ZNF277: variants seen among roughly 807,000 people sequenced by gnomAD.
The protein encoded by ZNF277 is nuclear receptor-interacting factor 4.
ZNF277 carries 55 observed loss-of-function variants against 60.7 expected under a neutral mutation model. The observed-to-expected ratio is 0.91, with a 90% CI of 0.73 to 1.13. The LOEUF (loss-of-function observed/expected upper bound fraction) is 1.13. Among genes scored for constraint, ZNF277 ranks in the 50% most tolerant of loss-of-function variants. The probability of loss-of-function intolerance (pLI) is 0.00; values close to 1 mark genes in which losing one functional copy is unlikely to be tolerated. For synonymous variants in ZNF277, 178 were observed against 179.3 expected (o/e 0.99, Z 0.06); for missense variants, 510 against 523.0 (o/e 0.98, Z 0.24).
At chr7:112,254,464 C>T (rs1007321336) in intron 1 of ZNF277, among the ~76,000 whole-genome samples, 4 of 152,146 alleles carry the variant, frequency 2.6e-5, no homozygotes, top group African/African-American at 7.2e-5. Context: ...ACATCACATC[C>T]AGTTTGTGTG....
chr7:112,208,565 T>C (rs944836239), intron 1 of ZNF277, among the ~76,000 whole-genome samples: 5 of 150,882 alleles, frequency 3.3e-5, no homozygotes, highest in African/African-American at 1.2e-4. Context: ...AAGAGTTTGG[T>C]ACATATTCTT....
intron 1 of ZNF277, among the ~76,000 whole-genome samples, chr7:112,234,306 G>A (rs1397622311): frequency 6.6e-6 from 1 of 152,082 alleles, no homozygotes; most frequent in East Asian, 1.9e-4. Context: ...TAAACAACAA[G>A]AATTTATTTC....
chr7:112,209,888 A>G (rs577172551), intron 1 of ZNF277, among the ~76,000 whole-genome samples: 138 of 152,292 alleles, frequency 9.1e-4, no homozygotes, highest in African/African-American at 2.9e-3. Flanking sequence ...TGAGCAAACT[A>G]TCGCAAGGAC....
At chr7:112,298,719 C>G (rs1360400661) in intron 4 of ZNF277, among the ~76,000 whole-genome samples, 1 of 152,132 alleles carries the variant, frequency 6.6e-6, no homozygotes, top group Non-Finnish European at 1.5e-5. Flanking sequence ...TAAGCCATGC[C>G]TTGTATTTGG....
At chr7:112,223,132 A>C (rs1047966169) in intron 1 of ZNF277, among the ~76,000 whole-genome samples, 2 of 152,180 alleles carry the variant, frequency 1.3e-5, no homozygotes, top group African/African-American at 4.8e-5. Flanking sequence ...ATGTTTCATT[A>C]GTTCTGTCCC....
At position 112,215,434 on chromosome 7, in the gene ZNF277, C is replaced by T. The variant is rs561547888; in HGVS notation, c.91+8627C>T. 1.1e-4 allele frequency among the ~76,000 whole-genome samples: 16 copies of T among 152,274 alleles called. No homozygotes were observed. The South Asian group carries it at 3.1e-3, about 30-fold the overall frequency. ...GTGGTGTTTGGCAACTGTGAATCAG[C>T]GCCATGCTGGGCTCTATATGGGATA... On this transcript the variant is annotated intron_variant, in intron 1 of 11. Transcript: ENST00000361822.
At chr7:112,217,494 T>C (rs1476581444) in intron 1 of ZNF277, among the ~76,000 whole-genome samples, 2 of 152,252 alleles carry the variant, frequency 1.3e-5, no homozygotes, top group African/African-American at 4.8e-5. Flanking sequence ...GCAAAAATTA[T>C]AGCAGAAAAG....
intron 1 of ZNF277, among the ~76,000 whole-genome samples, chr7:112,215,589 T>C (rs1194854290): frequency 2.6e-5 from 4 of 152,258 alleles, no homozygotes; most frequent in African/African-American, 9.6e-5. Flanking sequence ...ATGAAGTGGA[T>C]ACATTTGATT....
chr7:112,319,814 C>T (rs1792935972), intron 5 of ZNF277, among the ~76,000 whole-genome samples: 2 of 151,734 alleles, frequency 1.3e-5, no homozygotes, highest in Admixed American at 6.6e-5. Flanking sequence ...GCCAAGGCCA[C>T]TGATCGTACT....
intron 4 of ZNF277, among the ~76,000 whole-genome samples, chr7:112,300,296 T>C (rs1388886100): frequency 6.6e-6 from 1 of 152,230 alleles, no homozygotes; most frequent in Non-Finnish European, 1.5e-5. Context: ...CTTCTTTGAA[T>C]ATTTTCATCC....
chr7:112,229,017 A>G (rs889113957), intron 1 of ZNF277, among the ~76,000 whole-genome samples: 11 of 152,244 alleles, frequency 7.2e-5, no homozygotes, highest in African/African-American at 2.7e-4. Context: ...GTGCTGTATT[A>G]ACATCCTGCA....
intron 6 of ZNF277, among the ~76,000 whole-genome samples, chr7:112,328,929 T>C (rs1300861037): frequency 6.6e-6 from 1 of 152,102 alleles, no homozygotes; most frequent in Non-Finnish European, 1.5e-5. Context: ...TTATAAGAAA[T>C]TTTTAACTCA....
intron 1 of ZNF277, among the ~76,000 whole-genome samples, chr7:112,282,748 A>G (rs1247670255): frequency 6.6e-6 from 1 of 152,244 alleles, no homozygotes; most frequent in Non-Finnish European, 1.5e-5. Flanking sequence ...TTCCTATAGG[A>G]AAAGATCTAA....
At chr7:112,227,829 A>G (rs1239444628) in intron 1 of ZNF277, among the ~76,000 whole-genome samples, 1 of 152,032 alleles carries the variant, frequency 6.6e-6, no homozygotes, top group Non-Finnish European at 1.5e-5. Flanking sequence ...TGTAGCTTTA[A>G]TCATATTATC....
Position 112,337,719 on chromosome 7 carries a change from T to C in ZNF277, c.870-11T>C. 2.5e-6 allele frequency: 4 copies of C among 1,609,552 alleles called. No individual in the cohort carries two copies. The highest frequency in any genetic ancestry group is 3.4e-6 in the Non-Finnish European group (4 of 1,178,180). On this transcript the variant is annotated splice_polypyrimidine_tract_variant and intron_variant, in intron 8 of 11. Coordinates refer to ENST00000361822, the MANE Select transcript of ZNF277 (RefSeq NM_021994.3). ...GAATCTCCGTATTTTCTCTCCTCTTTTTTAATTCAGTGACTGGTCTGATTG... is the reference window on the plus strand; with the variant it reads ...GAATCTCCGTATTTTCTCTCCTCTTCTTTAATTCAGTGACTGGTCTGATTG...
intron 1 of ZNF277, among the ~76,000 whole-genome samples, chr7:112,284,326 T>C (rs1792012467): frequency 6.6e-6 from 1 of 152,220 alleles, no homozygotes; most frequent in Non-Finnish European, 1.5e-5. Flanking sequence ...GGATGTAATA[T>C]AGTACTTGTT....
chr7:112,258,439 T>C (rs1481705144), intron 1 of ZNF277, among the ~76,000 whole-genome samples: 1 of 152,018 alleles, frequency 6.6e-6, no homozygotes, highest in African/African-American at 2.4e-5. Context: ...TGCAAAGCCA[T>C]ACAGTATTTG....
intron 1 of ZNF277, among the ~76,000 whole-genome samples, chr7:112,224,699 C>T (rs1822132209): frequency 6.6e-6 from 1 of 152,164 alleles, no homozygotes; most frequent in South Asian, 2.1e-4. Context: ...CTGAACTATG[C>T]AGGTCTGGCA....
At chr7:112,230,124 G>C (rs1009920740) in intron 1 of ZNF277, among the ~76,000 whole-genome samples, 3 of 152,240 alleles carry the variant, frequency 2.0e-5, no homozygotes, top group Non-Finnish European at 2.9e-5. Flanking sequence ...CAGATTTGCT[G>C]TATAGAAACA....
Sources: gnomAD v4.1 joint callset for allele counts (sites outside exome capture counted in the v4.1 genomes callset) on GRCh38, gnomAD v4.1.1 for gene constraint, MANE v1.5 for transcripts, NCBI Gene and HGNC (gene_info 2026-07-23, HGNC 2026-07-21) for gene names.